Variants in CTNNA2 observed in about 807,000 individuals in gnomAD.
CTNNA2 encodes the protein catenin alpha-2.
Under a neutral mutation model 101.0 loss-of-function variants are expected in CTNNA2, and 42 were observed. That is an observed-to-expected ratio of 0.42 (90% confidence interval 0.32 to 0.54). The LOEUF (loss-of-function observed/expected upper bound fraction) is 0.54. CTNNA2 is among the 20% of genes least tolerant of loss of function. The pLI is 0.14. For synonymous variants in CTNNA2, 450 were observed against 456.4 expected (o/e 0.99, Z 0.18); for missense variants, 871 against 1,223.1 (o/e 0.71, Z 4.29).
At chr2:80,102,738 C>T (rs1700619557) in intron 7 of CTNNA2, among the ~76,000 whole-genome samples, 1 of 152,064 alleles carries the variant, frequency 6.6e-6, no homozygotes, top group African/African-American at 2.4e-5. Context: ...TCTTGAACTC[C>T]TGACTTCAAG....
At chr2:79,235,879 G>C (rs564274146) in intron 2 of CTNNA2, among the ~76,000 whole-genome samples, 3 of 152,200 alleles carry the variant, frequency 2.0e-5, no homozygotes, top group South Asian at 4.2e-4. Flanking sequence ...TGACAGGGAT[G>C]GGTCGAGTCA....
rs1674299567 is a variant in CTNNA2 at position 80,648,069 on chromosome 2, ATTCC to A, written c.*199_*202del. ...CTGTAGCCTGGGAAGGAGACAGGAC[ATTCC>A]TGTACTAAGGTGGCACAGAGCTGTC... On this transcript the variant is annotated 3_prime_UTR_variant, in exon 19 of 19. Transcript: ENST00000402739. The A allele has an allele frequency of 3.9e-6, 2 of 506,926 alleles. No homozygotes were observed. Among genetic ancestry groups the A allele is most frequent in the Non-Finnish European group, 3.5e-6 (1 of 289,606 alleles). The allele number at this position is 506,926 out of a possible 1,614,324, so 31.4% of individuals were successfully genotyped here. A position where few individuals can be genotyped will look rare whatever the true frequency, so the allele number is the denominator to read the frequency against.
intron 7 of CTNNA2, among the ~76,000 whole-genome samples, chr2:80,004,752 G>A (rs187900234): frequency 6.6e-6 from 1 of 150,606 alleles, no homozygotes; most frequent in East Asian, 2.0e-4. Context: ...GCCCAGGCTG[G>A]AGTGCAGTGG....
intron 7 of CTNNA2, among the ~76,000 whole-genome samples, chr2:80,087,995 C>T (rs1014161963): frequency 1.3e-5 from 2 of 151,936 alleles, no homozygotes; most frequent in African/African-American, 2.4e-5. Flanking sequence ...TCAGCCCTTG[C>T]CGACCACCCA....
chr2:79,546,220 C>T (rs181262819), intron 1 of CTNNA2, among the ~76,000 whole-genome samples: 31 of 152,238 alleles, frequency 2.0e-4, no homozygotes, highest in African/African-American at 7.5e-4. Context: ...TACTCTCACT[C>T]AGATGGCATC....
intron 1 of CTNNA2, among the ~76,000 whole-genome samples, chr2:79,535,852 C>G (rs1673023111): frequency 6.6e-6 from 1 of 152,040 alleles, no homozygotes; most frequent in Non-Finnish European, 1.5e-5. Flanking sequence ...TGCACATTGT[C>G]AGCTCTGTTG....
Position 80,126,593 on chromosome 2 carries a change from TCC to T in CTNNA2, c.1056+216798_1056+216799del, listed in dbSNP as rs1177062619. On this transcript the variant is annotated intron_variant, in intron 7 of 18. Coordinates refer to ENST00000402739, the MANE Select transcript of CTNNA2 (RefSeq NM_001282597.3). ...CTGCTTTGCCCTTTCTTTCCCTCCC[TCC>T]CTCCCTCCCTCCCTCCCTCCCTCCC... Among the ~76,000 whole-genome samples the T allele has an allele frequency of 5.6e-3, 112 of 19,846 alleles. 2 individuals carry two copies. Among genetic ancestry groups the T allele is most frequent in the Admixed American group, 1.0e-2 (21 of 2,108 alleles). 13.0% of individuals were successfully genotyped at this position (19,846 alleles called of 152,430 possible). A position where few individuals can be genotyped will look rare whatever the true frequency, so the allele number is the denominator to read the frequency against.
At chr2:80,396,932 A>G (rs1678071806) in intron 8 of CTNNA2, among the ~76,000 whole-genome samples, 1 of 152,248 alleles carries the variant, frequency 6.6e-6, no homozygotes, top group Non-Finnish European at 1.5e-5. Flanking sequence ...AAACATTTTT[A>G]ACAATGAGAA....
At chr2:79,991,531 A>G (rs1178464641) in intron 7 of CTNNA2, among the ~76,000 whole-genome samples, 1 of 152,196 alleles carries the variant, frequency 6.6e-6, no homozygotes, top group Non-Finnish European at 1.5e-5. Flanking sequence ...GTGAATTCCA[A>G]AACAAATGAA....
At chr2:79,307,785 G>A (rs910344052) in intron 2 of CTNNA2, among the ~76,000 whole-genome samples, 1 of 152,140 alleles carries the variant, frequency 6.6e-6, no homozygotes, top group Non-Finnish European at 1.5e-5. Flanking sequence ...AGAATTTGAG[G>A]AACCTCCATA....
At chr2:79,741,747 C>T (rs7564781) in intron 2 of CTNNA2, among the ~76,000 whole-genome samples, 5,148 of 152,142 alleles carry the variant, frequency 0.034, 292 homozygotes, top group African/African-American at 0.11. Flanking sequence ...GTTTGTCTTT[C>T]AATTCTTTTT....
intron 3 of CTNNA2, among the ~76,000 whole-genome samples, chr2:79,365,032 T>C (rs1169590395): frequency 1.3e-5 from 2 of 152,052 alleles, no homozygotes; most frequent in African/African-American, 4.8e-5. Context: ...ATTCAATACT[T>C]TGGGAGGTGA....
intron 7 of CTNNA2, among the ~76,000 whole-genome samples, chr2:80,149,774 T>TCACACACACACACACA (rs10595115): frequency 1.6e-4 from 23 of 143,392 alleles, no homozygotes; most frequent in East Asian, 8.4e-4. Context: ...TTAGAATGGA[T>TCACACACACACACACA]CACACACACA....
At chr2:79,754,512 T>G (rs538212440) in intron 3 of CTNNA2, among the ~76,000 whole-genome samples, 1 of 152,220 alleles carries the variant, frequency 6.6e-6, no homozygotes, top group Admixed American at 6.5e-5. Flanking sequence ...TATAAATACA[T>G]AAAGCAGCAC....
At chr2:80,055,636 G>A (rs1697169047) in intron 7 of CTNNA2, among the ~76,000 whole-genome samples, 1 of 151,728 alleles carries the variant, frequency 6.6e-6, no homozygotes, top group South Asian at 2.1e-4. Flanking sequence ...CTGTGTAGCT[G>A]CCCATAGCTG....
chr2:79,344,875 T>A (rs576905470), intron 3 of CTNNA2, among the ~76,000 whole-genome samples: 62 of 146,128 alleles, frequency 4.2e-4, no homozygotes, highest in Middle Eastern at 3.7e-3. Flanking sequence ...TATATTTATA[T>A]ATATAATATA....
At chr2:79,963,365 G>A (rs979234734) in intron 7 of CTNNA2, among the ~76,000 whole-genome samples, 2 of 152,154 alleles carry the variant, frequency 1.3e-5, no homozygotes, top group African/African-American at 4.8e-5. Context: ...AAGCGCCACA[G>A]TCTAGGTAAG....
chr2:79,362,375 C>T (rs1677650868), intron 3 of CTNNA2, among the ~76,000 whole-genome samples: 1 of 152,036 alleles, frequency 6.6e-6, no homozygotes, highest in African/African-American at 2.4e-5. Context: ...ACTATGTATA[C>T]CTTGTTGAAT....
At chr2:79,611,573 T>C (rs10195143) in intron 1 of CTNNA2, among the ~76,000 whole-genome samples, 2,021 of 152,210 alleles carry the variant, frequency 0.013, 72 homozygotes, top group East Asian at 0.12. Flanking sequence ...TATTGCTGCT[T>C]TTAAGTCTGA....
Sources: allele counts gnomAD v4.1 joint callset (sites outside exome capture counted in the v4.1 genomes callset), GRCh38; gene constraint gnomAD v4.1.1; transcripts MANE v1.5; gene names NCBI Gene and HGNC (gene_info 2026-07-23, HGNC 2026-07-21).